CDH18: variants seen among roughly 807,000 people sequenced by gnomAD.
CDH18 encodes the protein cadherin-18.
A neutral mutation model predicts 67.9 loss-of-function variants in CDH18; 31 were observed. The observed-to-expected ratio is 0.46, with a 90% CI of 0.34 to 0.62. The LOEUF is 0.62. CDH18 is among the 20% of genes least tolerant of loss of function. CDH18 has a pLI of 0.01. For synonymous variants in CDH18, 362 were observed against 347.2 expected (o/e 1.04, Z -0.48); for missense variants, 890 against 975.5 (o/e 0.91, Z 1.17).
intron 1 of CDH18, among the ~76,000 whole-genome samples, chr5:20,457,655 T>C (rs563053169): frequency 6.6e-6 from 1 of 152,266 alleles, no homozygotes; most frequent in African/African-American, 2.4e-5. Flanking sequence ...AATCCTGTAC[T>C]AGCCCTTTTC....
At chr5:20,214,896 T>A (rs1296093998) in intron 2 of CDH18, among the ~76,000 whole-genome samples, 1 of 151,592 alleles carries the variant, frequency 6.6e-6, no homozygotes, top group Non-Finnish European at 1.5e-5. Flanking sequence ...ATCAAGAGAG[T>A]AAACATACAA....
intron 2 of CDH18, among the ~76,000 whole-genome samples, chr5:20,104,817 A>T (rs1280724120): frequency 6.6e-6 from 1 of 151,898 alleles, no homozygotes; most frequent in Non-Finnish European, 1.5e-5. Context: ...TGAAGCCTCC[A>T]CCTCTGAAAC....
intron 5 of CDH18, among the ~76,000 whole-genome samples, chr5:19,670,189 T>C (rs558400514): frequency 2.8e-4 from 42 of 152,252 alleles, no homozygotes; most frequent in African/African-American, 1.0e-3. Context: ...TTGGTAACTC[T>C]ATGAAGATAA....
At chr5:19,475,409 T>A (rs1738281257) in intron 12 of CDH18, among the ~76,000 whole-genome samples, 1 of 152,008 alleles carries the variant, frequency 6.6e-6, no homozygotes, top group African/African-American at 2.4e-5. Context: ...TATTTTATAA[T>A]AAAGATATAA....
chr5:20,044,371 C>T (rs1317321818), intron 2 of CDH18, among the ~76,000 whole-genome samples: 3 of 151,978 alleles, frequency 2.0e-5, no homozygotes, highest in African/African-American at 7.3e-5. Context: ...ATGATGTACC[C>T]TGTAAATAAT....
At chr5:19,628,123 T>C (rs948872543) in intron 5 of CDH18, among the ~76,000 whole-genome samples, 3 of 152,148 alleles carry the variant, frequency 2.0e-5, no homozygotes, top group Non-Finnish European at 4.4e-5. Flanking sequence ...TCTCCCATAC[T>C]GTTCTTATGT....
At chr5:20,176,948 A>G (rs571599403) in intron 2 of CDH18, among the ~76,000 whole-genome samples, 2 of 152,274 alleles carry the variant, frequency 1.3e-5, no homozygotes, top group South Asian at 4.1e-4. Context: ...ATTAAAAACC[A>G]ACAGAAATGT....
intron 1 of CDH18, among the ~76,000 whole-genome samples, chr5:20,566,011 T>C (rs1758482793): frequency 6.6e-6 from 1 of 152,126 alleles, no homozygotes; most frequent in Non-Finnish European, 1.5e-5. Context: ...TGACATAAAT[T>C]AACAAAATCT....
At chr5:19,756,252 G>A (rs1285425627) in intron 3 of CDH18, among the ~76,000 whole-genome samples, 1 of 152,132 alleles carries the variant, frequency 6.6e-6, no homozygotes, top group Admixed American at 6.6e-5. Flanking sequence ...ATAAAATAAA[G>A]ATATTTTCTT....
chr5:20,191,486 T>A (rs987968643), intron 2 of CDH18, among the ~76,000 whole-genome samples: 1 of 152,094 alleles, frequency 6.6e-6, no homozygotes, highest in Non-Finnish European at 1.5e-5. Flanking sequence ...CTGCACCTAT[T>A]GAACTATCCT....
chr5:20,502,656 A>C (rs1754406774), intron 1 of CDH18, among the ~76,000 whole-genome samples: 1 of 152,202 alleles, frequency 6.6e-6, no homozygotes, highest in Non-Finnish European at 1.5e-5. Context: ...TTTTGAATTT[A>C]AGAGATAAAT....
chr5:20,058,138 T>C (rs925811413), intron 2 of CDH18, among the ~76,000 whole-genome samples: 4 of 152,158 alleles, frequency 2.6e-5, no homozygotes, highest in Admixed American at 6.5e-5. Context: ...TAGTTATTAG[T>C]CAAATGTCAG....
chr5:19,595,837 C>T (rs923225059), intron 6 of CDH18, among the ~76,000 whole-genome samples: 1 of 152,194 alleles, frequency 6.6e-6, no homozygotes, highest in Non-Finnish European at 1.5e-5. Context: ...AGCTTTTAGT[C>T]TAACTAAACT....
At chr5:19,578,282 G>A (rs1742651803) in intron 7 of CDH18, among the ~76,000 whole-genome samples, 1 of 152,088 alleles carries the variant, frequency 6.6e-6, no homozygotes, top group Admixed American at 6.6e-5. Flanking sequence ...TTGCAGTTAT[G>A]TGCTCTTCCA....
At chr5:19,815,130 A>G (rs747272402) in intron 3 of CDH18, among the ~76,000 whole-genome samples, 1 of 152,006 alleles carries the variant, frequency 6.6e-6, no homozygotes, top group Non-Finnish European at 1.5e-5. Flanking sequence ...TGAATATAAT[A>G]TACTCAAATA....
At position 20,288,157 on chromosome 5, in the gene CDH18, C is replaced by A. The variant is rs114205818; in HGVS notation, c.-579-32652G>T. The stretch of plus-strand genomic sequence containing the variant: ...ATAAATTCCTTTCTGCAAGAATCTA[C>A]TTTGCAATATAAAAAGAATTAACTG... On this transcript the variant is annotated intron_variant, in intron 1 of 14. Coordinates refer to the CDH18 transcript ENST00000507958. Among the ~76,000 whole-genome samples, 1,264 of 151,702 alleles carry A rather than the reference C, an allele frequency of 8.3e-3. 14 individuals carry two copies. The highest frequency in any genetic ancestry group is 0.011 in the Non-Finnish European group (758 of 67,722).
intron 1 of CDH18, among the ~76,000 whole-genome samples, chr5:20,361,573 G>A (rs979053464): frequency 7.2e-5 from 11 of 152,108 alleles, no homozygotes; most frequent in African/African-American, 2.4e-4. Context: ...GAAACACCTT[G>A]CATTTCTTAC....
At chr5:20,137,868 C>T (rs1049214664) in intron 2 of CDH18, among the ~76,000 whole-genome samples, 3 of 152,040 alleles carry the variant, frequency 2.0e-5, no homozygotes, top group African/African-American at 7.2e-5. Context: ...GATTCACAGC[C>T]GAATTCCATC....
chr5:20,080,722 A>G (rs1160467272), intron 2 of CDH18, among the ~76,000 whole-genome samples: 1 of 4,358 alleles, frequency 2.3e-4, no homozygotes, highest in Non-Finnish European at 0.019. Context: ...ATGATTAGGA[A>G]GAAGGGGAGA....
Sources: gnomAD v4.1 joint callset for allele counts (sites outside exome capture counted in the v4.1 genomes callset) on GRCh38, gnomAD v4.1.1 for gene constraint, MANE v1.5 for transcripts, NCBI Gene and HGNC (gene_info 2026-07-23, HGNC 2026-07-21) for gene names.